The following CCDC171 variants were observed in gnomAD, a reference collection of about 807,000 sequenced individuals.
CCDC171 encodes coiled-coil domain containing 171, also known as coiled-coil domain-containing protein 171.
CCDC171 carries 177 observed loss-of-function variants against 168.2 expected under a neutral mutation model. The ratio of observed to expected loss-of-function variants is 1.05; its 90% CI spans 0.93 to 1.19. The LOEUF is 1.19. Ranked by LOEUF, CCDC171 falls within the 50% of genes most tolerant of loss-of-function variation. The probability of loss-of-function intolerance (pLI) is 0.00; values close to 1 mark genes in which losing one functional copy is unlikely to be tolerated. For synonymous variants in CCDC171, 687 were observed against 540.8 expected, an observed-to-expected ratio of 1.27 and a Z score of -3.75; for missense variants, 1,991 against 1,539.0, an observed-to-expected ratio of 1.29 and a Z score of -4.91.
chr9:15,639,609 T>A (rs1387638689), intron 7 of CCDC171, among the ~76,000 whole-genome samples: 1 of 152,148 alleles, frequency 6.6e-6, no homozygotes, highest in Non-Finnish European at 1.5e-5. Context: ...TTCTCCAGTT[T>A]ATTTCTATTG....
intron 24 of CCDC171, among the ~76,000 whole-genome samples, chr9:15,895,104 T>C (rs1037932872): frequency 2.0e-5 from 3 of 152,134 alleles, no homozygotes; most frequent in African/African-American, 7.2e-5. Flanking sequence ...TTTTTAGCAA[T>C]GTGCCTGTAA....
At chr9:15,827,580 T>C (rs2060066097) in intron 21 of CCDC171, among the ~76,000 whole-genome samples, 1 of 152,232 alleles carries the variant, frequency 6.6e-6, no homozygotes, top group Non-Finnish European at 1.5e-5. Context: ...TTATTCAAGT[T>C]TGAAAGTGTT....
rs529935265 is a variant in CCDC171 at position 15,796,867 on chromosome 9, C to T, written c.3267+12173C>T. 5.3e-5 allele frequency among the ~76,000 whole-genome samples: 8 copies of T among 152,336 alleles called. No individual in the cohort carries two copies. In the South Asian group the frequency reaches 1.7e-3, roughly 32 times the overall value. On this transcript the variant is annotated intron_variant, in intron 21 of 25. Coordinates refer to ENST00000380701, the MANE Select transcript of CCDC171 (RefSeq NM_173550.4). The stretch of plus-strand genomic sequence containing the variant: ...CCTACAGATTCCCCTATAGCAGACT[C>T]AAGCACCAGTGCTAAGGGAGAAACC...
At position 15,625,481 on chromosome 9, in the gene CCDC171, A is replaced by G. The variant is rs867492279; in HGVS notation, c.822+2068A>G. Among the ~76,000 whole-genome samples, 15 of 152,266 alleles carry G rather than the reference A, an allele frequency of 9.9e-5. No individual in the cohort carries two copies. The East Asian group carries it at 2.5e-3, about 25-fold the overall frequency. Reference sequence around the variant, plus strand: ...CATTTAAGTCTTTAATCCATCTTGAATTAATTTTTGTATAAGGTGTAAGGA... The same window carrying G: ...CATTTAAGTCTTTAATCCATCTTGAGTTAATTTTTGTATAAGGTGTAAGGA... On this transcript the variant is annotated intron_variant, in intron 7 of 25. Coordinates refer to ENST00000380701, the MANE Select transcript of CCDC171 (RefSeq NM_173550.4).
rs55976539 is a variant in CCDC171, at chr9:15,642,343, GTATATATA to G, written c.823-14750_823-14743del. 1.1e-3 allele frequency among the ~76,000 whole-genome samples: 121 copies of G among 107,560 alleles called. 3 individuals are homozygous for G. Among genetic ancestry groups the G allele is most frequent in the Middle Eastern group, 4.5e-3 (1 of 224 alleles). 70.6% of individuals were successfully genotyped at this position (107,560 alleles called of 152,430 possible). A position where few individuals can be genotyped will look rare whatever the true frequency, so the allele number is the denominator to read the frequency against. Reference sequence around the variant, plus strand: ...TATATATATATACACGTGTGTGTGTGTATATATATATATATATATATATATATATATAT... The same window carrying G: ...TATATATATATACACGTGTGTGTGTGTATATATATATATATATATATATAT... On this transcript the variant is annotated intron_variant, in intron 7 of 25. Coordinates refer to ENST00000380701, the MANE Select transcript of CCDC171 (RefSeq NM_173550.4).
intron 7 of CCDC171, among the ~76,000 whole-genome samples, chr9:15,652,820 G>T (rs1482061469): frequency 6.6e-6 from 1 of 152,148 alleles, no homozygotes; most frequent in African/African-American, 2.4e-5. Context: ...AGATTGTCAT[G>T]TTAACGTTTT....
intron 3 of CCDC171, among the ~76,000 whole-genome samples, chr9:16,000,527 G>T (rs972497000): frequency 2.0e-5 from 3 of 152,152 alleles, no homozygotes; most frequent in African/African-American, 7.2e-5. Context: ...AGCAGACTGA[G>T]GTGGGGAGCG....
chr9:15,586,961 C>T (rs1250190191), intron 4 of CCDC171, among the ~76,000 whole-genome samples: 1 of 152,078 alleles, frequency 6.6e-6, no homozygotes, highest in Non-Finnish European at 1.5e-5. Flanking sequence ...GTGTATGCCA[C>T]CACACGTGAC....
chr9:16,069,121 T>C, the CCDC171 span, among the ~76,000 whole-genome samples: 1 of 152,212 alleles, frequency 6.6e-6, no homozygotes. Flanking sequence ...CTGGCCTTGG[T>C]ATACACTTTT....
At chr9:16,088,970 G>C in the CCDC171 span, among the ~76,000 whole-genome samples, 1 of 152,044 alleles carries the variant, frequency 6.6e-6, no homozygotes, top group African/African-American at 2.4e-5. Context: ...ATACTACAAG[G>C]CTACAGTAAC....
At position 15,971,531 on chromosome 9, in the gene CCDC171, T is replaced by G. The variant is rs1831354354; in HGVS notation, c.3754-78T>G. ...TATATTATAATGATTATTAGTCTAC[T>G]TGCCTGTTTATGGTTTTAGGCTCTA... On this transcript the variant is annotated intron_variant, in intron 25 of 25. Coordinates refer to ENST00000380701, the MANE Select transcript of CCDC171 (RefSeq NM_173550.4). The G allele has an allele frequency of 7.1e-6, 6 of 841,618 alleles. No homozygotes were observed. In the South Asian group the frequency reaches 9.3e-5, roughly 13 times the overall value. 52.1% of individuals were successfully genotyped at this position (841,618 alleles called of 1,614,324 possible).
chr9:15,669,785 C>G (rs1469053241), intron 9 of CCDC171, among the ~76,000 whole-genome samples: 1 of 151,876 alleles, frequency 6.6e-6, no homozygotes, highest in Non-Finnish European at 1.5e-5. Context: ...TTCTTAGACT[C>G]AATATTTAGG....
chr9:15,703,204 C>T (rs938284253), intron 11 of CCDC171, among the ~76,000 whole-genome samples: 3 of 152,174 alleles, frequency 2.0e-5, no homozygotes, highest in Non-Finnish European at 4.4e-5. Flanking sequence ...CCACGCCCGG[C>T]CGGGCCTTGT....
intron 3 of CCDC171, among the ~76,000 whole-genome samples, chr9:15,989,586 T>C (rs1312573775): frequency 6.6e-6 from 1 of 152,084 alleles, no homozygotes; most frequent in Non-Finnish European, 1.5e-5. Flanking sequence ...AGAATGACTT[T>C]GACGAGTTGA....
chr9:15,873,736 A>G (rs2769714), intron 23 of CCDC171, among the ~76,000 whole-genome samples: 132,409 of 152,066 alleles, frequency 0.87, 57,693 homozygotes, highest in East Asian at 0.96. Flanking sequence ...TTTATATTAT[A>G]TAAGGAATAT....
At chr9:15,917,471 TTA>T (rs1183443625) in intron 24 of CCDC171, among the ~76,000 whole-genome samples, 14 of 114,338 alleles carry the variant, frequency 1.2e-4, no homozygotes, top group Non-Finnish European at 3.2e-4. Flanking sequence ...AATTGGATTA[TTA>T]TATTCTTTTT....
chr9:16,102,687 GTTC>G, the CCDC171 span, among the ~76,000 whole-genome samples: 3 of 152,116 alleles, frequency 2.0e-5, no homozygotes. Context: ...TTCTCCAAAT[GTTC>G]TTCTGCTTAT....
intron 9 of CCDC171, among the ~76,000 whole-genome samples, chr9:15,677,865 A>ATG (rs71325928): frequency 7.6e-4 from 76 of 99,518 alleles, no homozygotes; most frequent in African/African-American, 2.1e-3. Flanking sequence ...GTATATATAT[A>ATG]TGTGTGTGTG....
intron 7 of CCDC171, among the ~76,000 whole-genome samples, chr9:15,623,794 C>G (rs2044787913): frequency 6.6e-6 from 1 of 152,112 alleles, no homozygotes; most frequent in Non-Finnish European, 1.5e-5. Context: ...AGTAATTTTA[C>G]ATTTTAATTT....
Sources: gnomAD v4.1 joint callset for allele counts (sites outside exome capture counted in the v4.1 genomes callset) on GRCh38, gnomAD v4.1.1 for gene constraint, MANE v1.5 for transcripts, NCBI Gene and HGNC (gene_info 2026-07-23, HGNC 2026-07-21) for gene names.